The following LRRC72 variants were observed in gnomAD, a reference collection of about 807,000 sequenced individuals.
LRRC72 encodes the protein leucine-rich repeat-containing protein 72.
Under a neutral mutation model 35.8 loss-of-function variants are expected in LRRC72, and 41 were observed. That is an observed-to-expected ratio of 1.15 (90% CI 0.89 to 1.49). The LOEUF (loss-of-function observed/expected upper bound fraction) is 1.49. Among genes scored for constraint, LRRC72 ranks in the 40% most tolerant of loss-of-function variants. The pLI is 0.00. For synonymous variants in LRRC72, 118 were observed against 119.2 expected, an observed-to-expected ratio of 0.99 and a Z score of 0.07; for missense variants, 389 against 330.7, an observed-to-expected ratio of 1.18 and a Z score of -1.37.
intron 7 of LRRC72, among the ~76,000 whole-genome samples, chr7:16,571,659 G>A (rs774154401): frequency 9.2e-5 from 14 of 152,130 alleles, no homozygotes; most frequent in Non-Finnish European, 1.8e-4. Flanking sequence ...GGAGCTATCC[G>A]GCCCAGATAC....
chr7:16,532,453 T>C (rs1348526486), intron 1 of LRRC72, 42 bp from the exon 2 acceptor site: 1 of 1,454,384 alleles, frequency 6.9e-7, no homozygotes, highest in South Asian at 1.2e-5. Context: ...AGCACTTTTG[T>C]TCATTGGAAT....
chr7:16,579,745 C>T (rs1478093368), intron 7 of LRRC72, among the ~76,000 whole-genome samples: 1 of 152,126 alleles, frequency 6.6e-6, no homozygotes, highest in Non-Finnish European at 1.5e-5. Context: ...TGCATATCAG[C>T]CTCAATATCT....
Position 16,547,170 on chromosome 7 carries a change from C to T in LRRC72, c.234+9474C>T, listed in dbSNP as rs74483084. 2.2e-3 allele frequency among the ~76,000 whole-genome samples: 332 copies of T among 152,262 alleles called. 2 individuals are homozygous for T. Among genetic ancestry groups the T allele is most frequent in the African/African-American group, 7.7e-3 (318 of 41,548 alleles). On this transcript the variant is annotated intron_variant, in intron 3 of 8. Coordinates refer to ENST00000401542, the MANE Select transcript of LRRC72 (RefSeq NM_001195280.2). ...GTGATTACCCAGCTGAAGACACAGCCAGGAAAACGTGGAGGGGAGGTGGAA... is the reference window on the plus strand; with the variant it reads ...GTGATTACCCAGCTGAAGACACAGCTAGGAAAACGTGGAGGGGAGGTGGAA...
At chr7:16,527,999 T>C (rs1782101256) in intron 1 of LRRC72, among the ~76,000 whole-genome samples, 3 of 152,166 alleles carry the variant, frequency 2.0e-5, no homozygotes, top group Admixed American at 2.0e-4. Flanking sequence ...GGACTCTTTT[T>C]ATTCTCCTTT....
At chr7:16,564,350 C>G (rs1032538891) in intron 5 of LRRC72, among the ~76,000 whole-genome samples, 1 of 152,100 alleles carries the variant, frequency 6.6e-6, no homozygotes, top group Non-Finnish European at 1.5e-5. Flanking sequence ...TTTACTTTCT[C>G]TGGCTCGAAC....
intron 7 of LRRC72, among the ~76,000 whole-genome samples, chr7:16,574,831 A>C (rs1783010397): frequency 6.6e-6 from 1 of 151,622 alleles, no homozygotes. Flanking sequence ...TACTTGTCTA[A>C]CTCACCAGGC....
chr7:16,551,438 C>A (rs1782546544), intron 3 of LRRC72, among the ~76,000 whole-genome samples: 1 of 152,134 alleles, frequency 6.6e-6, no homozygotes, highest in Non-Finnish European at 1.5e-5. Flanking sequence ...AGCTCCCAGG[C>A]AGCTTCAGGA....
chr7:16,581,211 C>T (rs372562830), intron 8 of LRRC72, 113 bp from the exon 9 acceptor site: 1 of 971,054 alleles, frequency 1.0e-6, no homozygotes, highest in East Asian at 2.8e-5. Flanking sequence ...TGGTACTATA[C>T]TACAAATAAC....
At chr7:16,540,612 C>T (rs1317745440) in intron 3 of LRRC72, among the ~76,000 whole-genome samples, 4 of 152,142 alleles carry the variant, frequency 2.6e-5, no homozygotes, top group East Asian at 1.9e-4. Context: ...CATCTGAAAT[C>T]GTAATCCCCA....
intron 3 of LRRC72, among the ~76,000 whole-genome samples, chr7:16,543,288 A>G (rs1782391402): frequency 6.6e-6 from 1 of 152,248 alleles, no homozygotes; most frequent in Non-Finnish European, 1.5e-5. Context: ...ATTTAGAGTC[A>G]TAACACATCA....
chr7:16,565,030 GAAGGAGT>G (rs1329258306), intron 5 of LRRC72, among the ~76,000 whole-genome samples: 6 of 152,174 alleles, frequency 3.9e-5, no homozygotes, highest in African/African-American at 7.2e-5. Flanking sequence ...TTTATTGAGT[GAAGGAGT>G]TGTGCGGTAG....
chr7:16,552,046 A>G (rs1241701198), intron 3 of LRRC72, among the ~76,000 whole-genome samples: 1 of 152,194 alleles, frequency 6.6e-6, no homozygotes, highest in Admixed American at 6.5e-5. Context: ...TGCATAATTA[A>G]TTGCTTGCAT....
At chr7:16,548,003 G>A (rs1782478325) in intron 3 of LRRC72, among the ~76,000 whole-genome samples, 1 of 152,200 alleles carries the variant, frequency 6.6e-6, no homozygotes, top group South Asian at 2.1e-4. Flanking sequence ...GCCCGTGGCT[G>A]CCCATGAACC....
At chr7:16,576,972 G>C (rs1351340240) in intron 7 of LRRC72, among the ~76,000 whole-genome samples, 1 of 152,190 alleles carries the variant, frequency 6.6e-6, no homozygotes, top group Non-Finnish European at 1.5e-5. Flanking sequence ...GACAAGGCAG[G>C]ACACAATCCA....
chr7:16,535,702 T>A (rs1782241629), intron 2 of LRRC72, among the ~76,000 whole-genome samples: 1 of 152,216 alleles, frequency 6.6e-6, no homozygotes, highest in South Asian at 2.1e-4. Flanking sequence ...TGGGGCAGAC[T>A]GACGTCATTT....
chr7:16,527,170 A>G, intron 1 of LRRC72, 128 bp downstream of exon 1: 3 of 690,104 alleles, frequency 4.3e-6, no homozygotes, highest in South Asian at 1.8e-5. Context: ...GAAGACGGAG[A>G]TAGGTCAGAT....
chr7:16,526,974 G>A lies in LRRC72; in HGVS notation c.22G>A (p.Val8Met), dbSNP rs1782079271. MSWDPNP[V>M]PRTLRCWRLR... ...CCTGATGTCCTGGGACCCGAACCCC[G>A]TGCCCCGTACCTTGCGATGCTGGCG... Residue 8 changes from valine to methionine, a missense_variant, in exon 1 of 9, where the codon GTG becomes ATG. Transcript: ENST00000401542. 2 of 1,539,884 alleles carry A rather than the reference G, an allele frequency of 1.3e-6. No homozygotes were observed. The highest frequency in any genetic ancestry group is 2.0e-5 in the Admixed American group (1 of 51,000).
intron 3 of LRRC72, among the ~76,000 whole-genome samples, chr7:16,549,114 G>A (rs1364791227): frequency 6.6e-6 from 1 of 152,114 alleles, no homozygotes; most frequent in Non-Finnish European, 1.5e-5. Flanking sequence ...TTTTGTCAGT[G>A]AATCCAAATG....
At chr7:16,554,535 A>T (rs181733564) in intron 3 of LRRC72, among the ~76,000 whole-genome samples, 116 of 152,164 alleles carry the variant, frequency 7.6e-4, no homozygotes, top group Admixed American at 1.4e-3. Context: ...AATTCTTCTG[A>T]TTTAGGGAAA....
Sources: gnomAD v4.1 joint callset for allele counts (sites outside exome capture counted in the v4.1 genomes callset) on GRCh38, gnomAD v4.1.1 for gene constraint, MANE v1.5 for transcripts, NCBI Gene and HGNC (gene_info 2026-07-23, HGNC 2026-07-21) for gene names.